SLC39A11: variants seen among roughly 807,000 people sequenced by gnomAD.
The protein encoded by SLC39A11 is zinc transporter ZIP11.
A neutral mutation model predicts 36.1 loss-of-function variants in SLC39A11; 33 were observed. The observed-to-expected ratio is 0.91, with a 90% CI of 0.69 to 1.22. The LOEUF is 1.22. SLC39A11 is among the 50% of genes most tolerant of loss of function. The probability of loss-of-function intolerance (pLI) is 0.00; values close to 1 mark genes in which losing one functional copy is unlikely to be tolerated. For synonymous variants in SLC39A11, 166 were observed against 170.3 expected (o/e 0.97, Z 0.20); for missense variants, 432 against 430.3 (o/e 1.00, Z -0.03).
intron 7 of SLC39A11, among the ~76,000 whole-genome samples, chr17:72,703,824 C>G (rs2072762671): frequency 6.6e-6 from 1 of 152,168 alleles, no homozygotes; most frequent in Admixed American, 6.6e-5. Flanking sequence ...GAGGAACCCA[C>G]CTCAAAATAA....
At chr17:72,729,408 TATATATATATA>T (rs1567994129) in intron 7 of SLC39A11, among the ~76,000 whole-genome samples, 110 of 4,442 alleles carry the variant, frequency 0.025, 2 homozygotes, top group Non-Finnish European at 0.029. Context: ...TGGCTATTTA[TATATATATATA>T]TATATATATA....
At chr17:72,739,355 G>C (rs570221215) in intron 6 of SLC39A11, among the ~76,000 whole-genome samples, 5 of 152,194 alleles carry the variant, frequency 3.3e-5, no homozygotes, top group African/African-American at 1.2e-4. Context: ...TTGAACTCCT[G>C]ACCTCAAGTG....
At chr17:72,877,667 T>A (rs1279492576) in intron 5 of SLC39A11, among the ~76,000 whole-genome samples, 1 of 152,194 alleles carries the variant, frequency 6.6e-6, no homozygotes, top group Non-Finnish European at 1.5e-5. Context: ...CTGATTCTGA[T>A]GTCCCTATTA....
intron 5 of SLC39A11, among the ~76,000 whole-genome samples, chr17:72,931,972 C>T (rs2084425479): frequency 6.6e-6 from 1 of 152,166 alleles, no homozygotes; most frequent in Non-Finnish European, 1.5e-5. Flanking sequence ...CACAGACATG[C>T]ACGTCTTCTA....
intron 4 of SLC39A11, among the ~76,000 whole-genome samples, chr17:72,958,744 G>A (rs540035163): frequency 1.1e-4 from 17 of 152,144 alleles, no homozygotes; most frequent in South Asian, 6.2e-4. Context: ...TCAGCTACTC[G>A]GGAGGCTGAG....
chr17:72,732,054 T>C (rs1248484417), intron 7 of SLC39A11, among the ~76,000 whole-genome samples: 1 of 113,268 alleles, frequency 8.8e-6, no homozygotes, highest in Non-Finnish European at 1.9e-5. Context: ...TTTTTTTTTT[T>C]TTTTTTTTTT....
chr17:72,701,190 C>T (rs1449282986), intron 7 of SLC39A11, among the ~76,000 whole-genome samples: 1 of 152,228 alleles, frequency 6.6e-6, no homozygotes, highest in Admixed American at 6.5e-5. Flanking sequence ...TTTGGCACTG[C>T]CAACAATGCC....
chr17:72,725,687 G>A (rs564962856), intron 7 of SLC39A11: 16 of 152,326 alleles, frequency 1.1e-4, no homozygotes, highest in Non-Finnish European at 1.9e-4. Context: ...ACCGCTGCCA[G>A]CCGGCACTTT....
intron 6 of SLC39A11, among the ~76,000 whole-genome samples, chr17:72,786,829 G>GTT (rs11368806): frequency 1.3e-5 from 2 of 151,702 alleles, no homozygotes; most frequent in Non-Finnish European, 1.5e-5. Context: ...TATTTTTCTT[G>GTT]TTTTTTTTGA....
intron 4 of SLC39A11, among the ~76,000 whole-genome samples, chr17:72,949,687 C>T (rs2085722680): frequency 2.0e-5 from 3 of 151,796 alleles, no homozygotes; most frequent in Non-Finnish European, 2.9e-5. Context: ...GTCCCACCTC[C>T]TAATACAATC....
intron 7 of SLC39A11, among the ~76,000 whole-genome samples, chr17:72,726,844 A>G (rs1001774024): frequency 3.9e-5 from 6 of 152,200 alleles, no homozygotes; most frequent in African/African-American, 1.4e-4. Flanking sequence ...TGATGCCTCC[A>G]TGTGTAATTT....
At chr17:72,878,778 G>A (rs1027635317) in intron 5 of SLC39A11, among the ~76,000 whole-genome samples, 1 of 152,212 alleles carries the variant, frequency 6.6e-6, no homozygotes, top group Non-Finnish European at 1.5e-5. Context: ...TGGAGTGGGG[G>A]TAATTCAATT....
At chr17:72,806,504 T>C (rs1370328851) in intron 6 of SLC39A11, among the ~76,000 whole-genome samples, 1 of 152,196 alleles carries the variant, frequency 6.6e-6, no homozygotes. Context: ...CCCTTTTTTA[T>C]ATAGTGGGCT....
chr17:72,820,839 G>C (rs1287814285), intron 6 of SLC39A11, among the ~76,000 whole-genome samples: 4 of 151,212 alleles, frequency 2.6e-5, no homozygotes, highest in African/African-American at 7.3e-5. Context: ...ATGTGGATGG[G>C]GGTACAGCTG....
chr17:72,680,933 G>A (rs189112220), intron 7 of SLC39A11, among the ~76,000 whole-genome samples: 25 of 152,142 alleles, frequency 1.6e-4, no homozygotes, highest in Admixed American at 1.3e-3. Flanking sequence ...TGGTGTACAC[G>A]TTTTCGGTTT....
intron 6 of SLC39A11, among the ~76,000 whole-genome samples, chr17:72,809,725 G>C (rs777601719): frequency 3.3e-5 from 5 of 152,116 alleles, no homozygotes; most frequent in Non-Finnish European, 5.9e-5. Context: ...ATTTAAACAA[G>C]GTCTGCTTAA....
intron 6 of SLC39A11, among the ~76,000 whole-genome samples, chr17:72,767,535 T>G (rs957939985): frequency 3.9e-5 from 6 of 152,136 alleles, no homozygotes; most frequent in African/African-American, 1.4e-4. Context: ...TGGTACTAAG[T>G]GCCATGAAGA....
chr17:73,065,471 T>A (rs756492620), intron 3 of SLC39A11, among the ~76,000 whole-genome samples: 3 of 152,284 alleles, frequency 2.0e-5, no homozygotes, highest in East Asian at 3.9e-4. Context: ...CAAGTCATGC[T>A]GAAGCTTAGA....
At chr17:73,035,872 A>G (rs2058895661) in intron 3 of SLC39A11, among the ~76,000 whole-genome samples, 1 of 149,898 alleles carries the variant, frequency 6.7e-6, no homozygotes, top group African/African-American at 2.4e-5. Flanking sequence ...TCAAAAAAAA[A>G]AAAAAAAAAA....
Sources: allele counts gnomAD v4.1 joint callset (sites outside exome capture counted in the v4.1 genomes callset), GRCh38; gene constraint gnomAD v4.1.1; transcripts MANE v1.5; gene names NCBI Gene and HGNC (gene_info 2026-07-23, HGNC 2026-07-21).